Variants in FAM107B observed in about 807,000 individuals in gnomAD.
The protein encoded by FAM107B is protein FAM107B.
A neutral mutation model predicts 31.5 loss-of-function variants in FAM107B; 21 were observed. The observed-to-expected ratio is 0.67, with a 90% CI of 0.47 to 0.96. The LOEUF is 0.96. FAM107B is among the 40% of genes least tolerant of loss of function. The pLI is 0.00. For synonymous variants in FAM107B, 157 were observed against 141.5 expected (o/e 1.11, Z -0.78); for missense variants, 452 against 377.1 (o/e 1.20, Z -1.64).
chr10:14,634,376 G>A (rs1421301340), intron 2 of FAM107B, among the ~76,000 whole-genome samples: 1 of 146,782 alleles, frequency 6.8e-6, no homozygotes, highest in East Asian at 2.0e-4. Context: ...CTCCAGCCTG[G>A]ACCACAGAGC....
intron 2 of FAM107B, chr10:14,555,986 A>G (rs1288040108): frequency 1.3e-5 from 2 of 152,582 alleles, no homozygotes; most frequent in East Asian, 3.8e-4. Flanking sequence ...CCCACCCCCA[A>G]AAGGGGAAAC....
Position 14,774,628 on chromosome 10 carries a change from C to G in FAM107B, c.36G>C (p.Leu12=). The change falls in exon 1 of 5, where the codon CTG becomes CTC. Residue 12 remains leucine, a synonymous_variant. Coordinates refer to ENST00000181796, the MANE Select transcript of FAM107B (RefSeq NM_031453.4). ...STWKARLTKR[L]KSPSRSMHPF... is the part of the protein sequence containing the mutation. ...GATGCATGCTTCTAGAGGGAGACTT[C>G]AGTCTTTTGGTGAGTCTTGCTTTCC... 6.2e-7 allele frequency: 1 copy of G among 1,614,108 alleles called. No individual in the cohort carries two copies. Among genetic ancestry groups the G allele is most frequent in the Non-Finnish European group, 8.5e-7 (1 of 1,179,982 alleles).
Position 14,556,558 on chromosome 10 carries a change from G to A in FAM107B, c.470-26043C>T, listed in dbSNP as rs1303311377. 15 of 253,090 alleles carry A rather than the reference G, an allele frequency of 5.9e-5. No individual in the cohort carries two copies. In the Admixed American group the frequency reaches 9.7e-4, roughly 16 times the overall value. The allele number at this position is 253,090 out of a possible 1,614,324, so 15.7% of individuals were successfully genotyped here. On this transcript the variant is annotated intron_variant, in intron 2 of 4. Transcript: ENST00000181796. ...TTTAGACTTGACTGACACCTACTGT[G>A]TGCTCCGTGCTACTGCCCCTCACTT...
chr10:14,658,447 G>C (rs1037566596), intron 2 of FAM107B, among the ~76,000 whole-genome samples: 1 of 152,208 alleles, frequency 6.6e-6, no homozygotes, highest in African/African-American at 2.4e-5. Flanking sequence ...CCGTGGATTA[G>C]CATGGTTTGC....
intron 1 of FAM107B, among the ~76,000 whole-genome samples, chr10:14,765,036 T>C (rs970866087): frequency 6.6e-5 from 10 of 152,156 alleles, no homozygotes; most frequent in African/African-American, 9.7e-5. Context: ...CCTGGGCAGA[T>C]TGGTAGATTT....
intron 1 of FAM107B, among the ~76,000 whole-genome samples, chr10:14,707,326 T>C (rs1378316667): frequency 3.3e-5 from 5 of 152,180 alleles, no homozygotes; most frequent in African/African-American, 9.7e-5. Context: ...CATAACCTTC[T>C]TTCAACTACC....
At chr10:14,527,767 T>C (rs893635501) in intron 3 of FAM107B, among the ~76,000 whole-genome samples, 7 of 152,230 alleles carry the variant, frequency 4.6e-5, no homozygotes, top group African/African-American at 1.7e-4. Context: ...GGTTATTCAT[T>C]AACCAAACAC....
In FAM107B at chr10:14,716,312, G is replaced by C. The variant is rs142343010; in HGVS notation, c.412-48621C>G. On this transcript the variant is annotated intron_variant, in intron 1 of 4. Transcript: ENST00000181796. Reference sequence around the variant, plus strand: ...TGGCCAGGACCATGGTCATCTGAAGGCTCCACTGGGTTGCGGGATCCATTT... The same window carrying C: ...TGGCCAGGACCATGGTCATCTGAAGCCTCCACTGGGTTGCGGGATCCATTT... Among the ~76,000 whole-genome samples, 1,058 of 152,316 alleles carry C rather than the reference G, an allele frequency of 6.9e-3. 18 individuals carry two copies. Among genetic ancestry groups the C allele is most frequent in the East Asian group, 0.046 (236 of 5,186 alleles).
At chr10:14,555,837 G>A (rs143738510) in intron 2 of FAM107B, 1 of 151,694 alleles carries the variant, frequency 6.6e-6, no homozygotes, top group African/African-American at 2.4e-5. Context: ...CCTGGCCTAG[G>A]CAATCAGAGG....
chr10:14,723,051 A>ATATTTGTGTATTATATTTAGGTCTTC, intron 1 of FAM107B: 1 of 351,996 alleles, frequency 2.8e-6, no homozygotes, highest in Non-Finnish European at 5.5e-6. Flanking sequence ...TTTAGGTCTT[A>ATATTTGTGTATTATATTTAGGTCTTC]TATTTGTGTC....
intron 1 of FAM107B, among the ~76,000 whole-genome samples, chr10:14,765,630 A>G (rs983262887): frequency 6.6e-6 from 1 of 152,236 alleles, no homozygotes; most frequent in African/African-American, 2.4e-5. Flanking sequence ...AGGGACAGTC[A>G]GTAATTTTGC....
At chr10:14,526,916 C>A (rs1041709419) in intron 3 of FAM107B, among the ~76,000 whole-genome samples, 3 of 151,856 alleles carry the variant, frequency 2.0e-5, no homozygotes, top group African/African-American at 7.3e-5. Context: ...CAGCTCACTG[C>A]AAGCTCCGCC....
intron 2 of FAM107B, among the ~76,000 whole-genome samples, chr10:14,650,597 AT>A (rs1318893729): frequency 2.6e-5 from 4 of 152,158 alleles, no homozygotes; most frequent in Admixed American, 6.6e-5. Flanking sequence ...CTCGATACTT[AT>A]TTAAGAGTAA....
intron 1 of FAM107B, among the ~76,000 whole-genome samples, chr10:14,698,871 ACCCACGATTACT>A (rs1217067406): frequency 6.6e-6 from 1 of 152,214 alleles, no homozygotes; most frequent in Non-Finnish European, 1.5e-5. Context: ...TAATGGCAAA[ACCCACGATTACT>A]TTTCAGCAGC....
chr10:14,620,685 C>A, intron 2 of FAM107B, among the ~76,000 whole-genome samples: 1 of 152,228 alleles, frequency 6.6e-6, no homozygotes, highest in Admixed American at 6.5e-5. Flanking sequence ...TCTCCCAGCC[C>A]GCCATCCCCC....
chr10:14,671,196 G>A (rs1369257011), intron 1 of FAM107B, among the ~76,000 whole-genome samples: 1 of 152,184 alleles, frequency 6.6e-6, no homozygotes, highest in Admixed American at 6.5e-5. Flanking sequence ...TCAGTCTGCT[G>A]CATTTCCCTC....
intron 1 of FAM107B, among the ~76,000 whole-genome samples, chr10:14,697,365 G>A (rs1855291339): frequency 6.6e-6 from 1 of 152,150 alleles, no homozygotes; most frequent in Admixed American, 6.5e-5. Flanking sequence ...CCTGGAATCC[G>A]GAATCATTTT....
intron 2 of FAM107B, among the ~76,000 whole-genome samples, chr10:14,644,281 TATTCCATATATTAC>T (rs1197221750): frequency 6.6e-6 from 1 of 152,260 alleles, no homozygotes; most frequent in Non-Finnish European, 1.5e-5. Context: ...CCCTTTACTA[TATTCCATATATTAC>T]ATTGTGTTAT....
chr10:14,582,629 G>A (rs1368486881), intron 2 of FAM107B, among the ~76,000 whole-genome samples: 3 of 151,494 alleles, frequency 2.0e-5, no homozygotes, highest in Non-Finnish European at 4.4e-5. Flanking sequence ...TGCCCCCCTC[G>A]GCCTCCCAAA....
Sources: gnomAD v4.1 joint callset for allele counts (sites outside exome capture counted in the v4.1 genomes callset) on GRCh38, gnomAD v4.1.1 for gene constraint, MANE v1.5 for transcripts, NCBI Gene and HGNC (gene_info 2026-07-23, HGNC 2026-07-21) for gene names.